ZFHX4: variants seen among roughly 807,000 people sequenced by gnomAD.
The protein encoded by ZFHX4 is zinc finger homeobox protein 4.
In ZFHX4, 56 loss-of-function variants were observed where a neutral mutation model predicts 267.6. The ratio of observed to expected loss-of-function variants is 0.21; its 90% CI spans 0.17 to 0.26. ZFHX4 has a LOEUF of 0.26. ZFHX4 is among the 10% of genes least tolerant of loss of function. The probability of loss-of-function intolerance (pLI) is 1.00; values close to 1 mark genes in which losing one functional copy is unlikely to be tolerated. For missense variants in ZFHX4, 4,332 were observed against 4,420.0 expected (o/e 0.98, Z 0.56); for synonymous variants, 1,778 against 1,665.6 (o/e 1.07, Z -1.64).
intron 4 of ZFHX4, among the ~76,000 whole-genome samples, chr8:76,784,318 G>T (rs905029634): frequency 4.0e-5 from 6 of 151,744 alleles, no homozygotes; most frequent in Non-Finnish European, 8.8e-5. Flanking sequence ...ACCAGGTTTA[G>T]ACTAGTTATT....
chr8:76,725,565 C>T (rs527872402), intron 3 of ZFHX4, among the ~76,000 whole-genome samples: 45 of 152,126 alleles, frequency 3.0e-4, no homozygotes, highest in Non-Finnish European at 4.6e-4. Context: ...TAAAAAAAAT[C>T]AAACCAATTA....
chr8:76,745,911 A>G (rs1198741738), intron 3 of ZFHX4, among the ~76,000 whole-genome samples: 1 of 152,212 alleles, frequency 6.6e-6, no homozygotes, highest in Non-Finnish European at 1.5e-5. Flanking sequence ...GCCTGCTCCA[A>G]GAGTTAAAAT....
At position 76,829,319 on chromosome 8, in the gene ZFHX4, C is replaced by T. The variant is rs187001911; in HGVS notation, c.3326-4019C>T. 4.6e-5 allele frequency among the ~76,000 whole-genome samples: 7 copies of T among 151,798 alleles called. No homozygotes were observed. The East Asian group carries it at 1.4e-3, about 29-fold the overall frequency. On this transcript the variant is annotated intron_variant, in intron 4 of 10. Coordinates refer to ENST00000651372, the MANE Select transcript of ZFHX4 (RefSeq NM_024721.5). ...GAGCGGAAGATTTGCCAGATGGGAA[C>T]TTGATGATTTTTGAACTGAGATTAA...
chr8:76,769,255 C>A (rs559858490), intron 3 of ZFHX4, among the ~76,000 whole-genome samples: 3 of 152,188 alleles, frequency 2.0e-5, no homozygotes, highest in African/African-American at 7.2e-5. Context: ...TTTTCAGGTT[C>A]GTGACATCAT....
At chr8:76,862,888 G>C (rs1028735990) in intron 10 of ZFHX4, among the ~76,000 whole-genome samples, 1 of 151,826 alleles carries the variant, frequency 6.6e-6, no homozygotes, top group Non-Finnish European at 1.5e-5. Context: ...TATTGGTGGG[G>C]GTTAAAACTA....
chr8:76,778,639 C>T (rs868414286), intron 4 of ZFHX4, among the ~76,000 whole-genome samples, 200 bp downstream of exon 4: 4 of 152,110 alleles, frequency 2.6e-5, no homozygotes, highest in African/African-American at 7.2e-5. Flanking sequence ...CAGTACCATA[C>T]GCGGTCCTGC....
Position 76,854,949 on chromosome 8 carries a change from G to A in ZFHX4, c.8028G>A (p.Arg2676=), listed in dbSNP as rs765387491. The change falls in exon 10 of 11, where the codon CGG becomes CGA. Residue 2676 remains arginine (R), a synonymous_variant. Transcript: ENST00000651372. The part of the protein sequence containing the change: ...RAVGPAQSHK[R]CPFCRALFKA... The stretch of plus-strand genomic sequence containing the variant: ...TGGGTCCAGCACAGTCTCATAAACG[G>A]TGTCCGTTTTGCCGAGCCCTGTTTA... The A allele has an allele frequency of 1.2e-6, 2 of 1,613,964 alleles. No homozygotes were observed. The highest frequency in any genetic ancestry group is 2.2e-5 in the East Asian group (1 of 44,852).
chr8:76,791,844 T>C (rs938086386), intron 4 of ZFHX4, among the ~76,000 whole-genome samples: 1 of 152,156 alleles, frequency 6.6e-6, no homozygotes, highest in African/African-American at 2.4e-5. Context: ...TGTATTAAAG[T>C]TGCACATTAT....
chr8:76,755,082 A>T (rs989601339), intron 3 of ZFHX4, among the ~76,000 whole-genome samples: 2 of 152,180 alleles, frequency 1.3e-5, no homozygotes, highest in Non-Finnish European at 2.9e-5. Flanking sequence ...AAATGAATGT[A>T]TTTATTATTT....
chr8:76,830,416 GACAAATCGTGTTAA>G (rs1157988265), intron 4 of ZFHX4, among the ~76,000 whole-genome samples: 1 of 152,110 alleles, frequency 6.6e-6, no homozygotes, highest in East Asian at 1.9e-4. Context: ...CAGCAAAAGA[GACAAATCGTGTTAA>G]CAGCAGTCAG....
At chr8:76,688,279 A>G (rs1024254659) in intron 1 of ZFHX4, among the ~76,000 whole-genome samples, 2 of 152,106 alleles carry the variant, frequency 1.3e-5, no homozygotes, top group Non-Finnish European at 2.9e-5. Context: ...TTTTCCCCAT[A>G]GGCTATAAAT....
chr8:76,746,038 G>T (rs73231780), intron 3 of ZFHX4, among the ~76,000 whole-genome samples: 2,259 of 152,222 alleles, frequency 0.015, 68 homozygotes, highest in African/African-American at 0.05. Flanking sequence ...CATATCTGTA[G>T]GGTGTCGGTT....
At chr8:76,691,070 G>T (rs1807812131) in intron 1 of ZFHX4, among the ~76,000 whole-genome samples, 1 of 152,024 alleles carries the variant, frequency 6.6e-6, no homozygotes, top group South Asian at 2.1e-4. Flanking sequence ...CTAACTCTAG[G>T]ACCAGTGGTC....
intron 3 of ZFHX4, among the ~76,000 whole-genome samples, chr8:76,715,439 GC>G (rs1808542819): frequency 7.3e-6 from 1 of 137,268 alleles, no homozygotes; most frequent in South Asian, 2.3e-4. Context: ...CCGAGATTGC[GC>G]CACTGCACTC....
At chr8:76,792,143 A>G (rs570642732) in intron 4 of ZFHX4, among the ~76,000 whole-genome samples, 3 of 152,322 alleles carry the variant, frequency 2.0e-5, no homozygotes, top group South Asian at 2.1e-4. Flanking sequence ...CCCTGGGCCA[A>G]CCTCAGCCAT....
chr8:76,823,093 G>C (rs1811696922), intron 4 of ZFHX4, among the ~76,000 whole-genome samples: 2 of 147,328 alleles, frequency 1.4e-5, no homozygotes, highest in Non-Finnish European at 3.0e-5. Flanking sequence ...CTTCCAGACA[G>C]TTATAATTTG....
intron 3 of ZFHX4, among the ~76,000 whole-genome samples, chr8:76,772,383 A>G (rs1485721919): frequency 6.6e-6 from 1 of 152,200 alleles, no homozygotes; most frequent in African/African-American, 2.4e-5. Flanking sequence ...AGAGTTGTCT[A>G]TTTATGAATA....
intron 4 of ZFHX4, among the ~76,000 whole-genome samples, chr8:76,827,365 G>GC (rs561566290): frequency 6.6e-6 from 1 of 152,140 alleles, no homozygotes; most frequent in African/African-American, 2.4e-5. Flanking sequence ...CTGCAGCATG[G>GC]CCCGTTCCTA....
Position 76,851,848 on chromosome 8 carries a change from A to G in ZFHX4, c.4927A>G (p.Asn1643Asp), listed in dbSNP as rs1292245486. 6.2e-7 allele frequency: 1 copy of G among 1,613,974 alleles called. No individual in the cohort carries two copies. Among genetic ancestry groups the G allele is most frequent in the South Asian group, 1.1e-5 (1 of 91,082 alleles). The change falls in exon 10 of 11, where the codon AAC (asparagine) becomes GAC (aspartate). Residue 1643 changes from asparagine to aspartate, a missense_variant. By Grantham distance (23) the Asn-to-Asp change is conservative. Around this residue, in one of 7 missense-constraint regions of ZFHX4, gnomAD observed 1,371 missense variants for 1,423.1 expected, o/e 0.96. Coordinates refer to ENST00000651372, the MANE Select transcript of ZFHX4 (RefSeq NM_024721.5). ...TGGGCACAGCATTGCAGCAAATGTC[A>G]ACAGCCCTGGCCAGGGGATGTTAGA... Reference protein sequence around the residue: ...AGGHSIAANVNSPGQGMLDSM... With the variant: ...AGGHSIAANVDSPGQGMLDSM...
Sources: allele counts gnomAD v4.1 joint callset (sites outside exome capture counted in the v4.1 genomes callset), GRCh38; gene constraint gnomAD v4.1.1; regional missense constraint gnomAD v4.1.1; transcripts MANE v1.5; gene names NCBI Gene and HGNC (gene_info 2026-07-23, HGNC 2026-07-21).